Variants in MYO6 observed in about 807,000 individuals in gnomAD.
The protein encoded by MYO6 is myosin VI.
In MYO6, 74 loss-of-function variants were observed where a neutral mutation model predicts 178.7. That is an observed-to-expected ratio of 0.41 (90% CI 0.34 to 0.50). MYO6 has a LOEUF of 0.50. MYO6 is among the 20% of genes least tolerant of loss of function. MYO6 has a pLI of 0.09. For synonymous variants in MYO6, 477 were observed against 504.6 expected, an observed-to-expected ratio of 0.95 and a Z score of 0.73; for missense variants, 1,330 against 1,547.4, an observed-to-expected ratio of 0.86 and a Z score of 2.36.
intron 1 of MYO6, among the ~76,000 whole-genome samples, chr6:75,811,087 G>T (rs1441382370): frequency 6.8e-6 from 1 of 147,576 alleles, no homozygotes; most frequent in Non-Finnish European, 1.5e-5. Flanking sequence ...CAGAGAACAG[G>T]TTCTAGACTT....
At chr6:75,904,985 C>T (rs997129142) in intron 30 of MYO6, among the ~76,000 whole-genome samples, 35 of 152,220 alleles carry the variant, frequency 2.3e-4, no homozygotes, top group Middle Eastern at 3.4e-3. Flanking sequence ...AGTACCCGGC[C>T]GTGTGAGGTG....
chr6:75,889,330 T>A (rs561382393), intron 25 of MYO6, among the ~76,000 whole-genome samples: 2 of 152,360 alleles, frequency 1.3e-5, no homozygotes, highest in African/African-American at 2.4e-5. Context: ...TTGTAATTTT[T>A]AAAATATTCT....
intron 1 of MYO6, among the ~76,000 whole-genome samples, chr6:75,757,359 CTGTGTGTG>C (rs372864392): frequency 1.6e-3 from 229 of 145,972 alleles, no homozygotes; most frequent in African/African-American, 5.4e-3. Flanking sequence ...CATCAGAAGT[CTGTGTGTG>C]TGTGTGTATA....
intron 7 of MYO6, 52 bp downstream of exon 7, chr6:75,836,008 C>G (rs746674044): frequency 8.2e-7 from 1 of 1,223,152 alleles, no homozygotes; most frequent in Non-Finnish European, 1.2e-6. Context: ...ATTTACAAGA[C>G]TTCTTTTAGT....
At chr6:75,900,184 C>G (rs1277282749) in intron 30 of MYO6, among the ~76,000 whole-genome samples, 1 of 151,674 alleles carries the variant, frequency 6.6e-6, no homozygotes, top group East Asian at 1.9e-4. Context: ...TGAATAATGC[C>G]ACAATAAACA....
At chr6:75,792,314 C>T (rs533538874) in intron 1 of MYO6, among the ~76,000 whole-genome samples, 1 of 152,166 alleles carries the variant, frequency 6.6e-6, no homozygotes, top group South Asian at 2.1e-4. Flanking sequence ...ATTAGTTACC[C>T]TGGATGATGA....
Position 75,918,358 on chromosome 6 carries a change from G to A in MYO6, c.*3346G>A, listed in dbSNP as rs1366996157. On this transcript the variant is annotated 3_prime_UTR_variant, in exon 35 of 35. Transcript: ENST00000369977. ...GAAAGAGAAGAGCAACAGTGGAAGA[G>A]ACAGGTTGTGTGCCCCTAAAGATTC... is the stretch of plus-strand genomic sequence containing the variant. 6.6e-6 allele frequency: 1 copy of A among 152,198 alleles called. No homozygotes were observed. The highest frequency in any genetic ancestry group is 1.5e-5 in the Non-Finnish European group (1 of 68,082). 9.4% of individuals were successfully genotyped at this position (152,198 alleles called of 1,614,324 possible). A position where few individuals can be genotyped will look rare whatever the true frequency, so the allele number is the denominator to read the frequency against.
intron 1 of MYO6, among the ~76,000 whole-genome samples, chr6:75,812,401 T>C (rs1321950679): frequency 6.6e-6 from 1 of 152,190 alleles, no homozygotes; most frequent in Non-Finnish European, 1.5e-5. Context: ...CATAATCACA[T>C]TGGGGTAAAT....
In MYO6 at chr6:75,771,012, T is replaced by TTTTC. The variant is rs1262014081; in HGVS notation, c.-48+21590_-48+21593dup. ...AGCACTTTTTTTTTTCTTTTTTTTT[T>TTTTC]TTTCCCCCCTGAGATGGTCTCACTT... On this transcript the variant is annotated intron_variant, in intron 1 of 34. Transcript: ENST00000369977. Among the ~76,000 whole-genome samples, 8 of 151,504 alleles carry TTTTC rather than the reference T, an allele frequency of 5.3e-5. No homozygotes were observed. In the East Asian group the frequency reaches 1.6e-3, roughly 29 times the overall value.
chr6:75,911,220 A>G (rs1345539651), intron 32 of MYO6, among the ~76,000 whole-genome samples: 1 of 152,054 alleles, frequency 6.6e-6, no homozygotes, highest in Non-Finnish European at 1.5e-5. Flanking sequence ...TTTAAGATTT[A>G]GAGAGTTTAA....
intron 13 of MYO6, 83 bp downstream of exon 13, chr6:75,857,337 T>G (rs1346552484): frequency 7.2e-7 from 1 of 1,388,248 alleles, no homozygotes; most frequent in Non-Finnish European, 1.0e-6. Context: ...TTTTCTCCTT[T>G]GTAACTCATT....
At chr6:75,859,800 C>T (rs893281610) in intron 14 of MYO6, among the ~76,000 whole-genome samples, 2 of 152,020 alleles carry the variant, frequency 1.3e-5, no homozygotes, top group African/African-American at 4.8e-5. Context: ...GCTGGGACTA[C>T]AGGCACGCGC....
chr6:75,783,140 C>T (rs931988841), intron 1 of MYO6, among the ~76,000 whole-genome samples: 4 of 151,954 alleles, frequency 2.6e-5, no homozygotes, highest in Non-Finnish European at 4.4e-5. Flanking sequence ...TGGTCTTGAA[C>T]TCCTGGGCTC....
intron 11 of MYO6, among the ~76,000 whole-genome samples, chr6:75,853,406 T>TAA (rs1249881286): frequency 6.6e-6 from 1 of 152,186 alleles, no homozygotes; most frequent in African/African-American, 2.4e-5. Flanking sequence ...GACATGAAGA[T>TAA]TTACTTTGTG....
chr6:75,877,982 G>A (rs1157799335), intron 20 of MYO6, among the ~76,000 whole-genome samples: 1 of 152,080 alleles, frequency 6.6e-6, no homozygotes, highest in Non-Finnish European at 1.5e-5. Context: ...ATACAAGTGG[G>A]CAAAAACTGT....
chr6:75,821,640 A>AACAC (rs891229782), intron 2 of MYO6, among the ~76,000 whole-genome samples: 1 of 109,306 alleles, frequency 9.1e-6, no homozygotes, highest in Non-Finnish European at 2.1e-5. Flanking sequence ...CACACACACA[A>AACAC]ACACACACAC....
At chr6:75,903,974 C>T (rs1233319768) in intron 30 of MYO6, among the ~76,000 whole-genome samples, 2 of 151,728 alleles carry the variant, frequency 1.3e-5, no homozygotes, top group Non-Finnish European at 2.9e-5. Context: ...TTTTATTTCT[C>T]CTTCACTTAT....
chr6:75,877,173 T>G (rs1440151917), intron 20 of MYO6, among the ~76,000 whole-genome samples: 1 of 152,040 alleles, frequency 6.6e-6, no homozygotes, highest in Non-Finnish European at 1.5e-5. Context: ...ATGGGCTTTC[T>G]CCATGTTGAG....
intron 18 of MYO6, chr6:75,867,501 GC>G (rs1272012499): frequency 5.9e-6 from 1 of 169,782 alleles, no homozygotes; most frequent in Non-Finnish European, 1.3e-5. Context: ...AGAGAGGAAA[GC>G]AGGCACAGCC....
Sources: gnomAD v4.1 joint callset for allele counts (sites outside exome capture counted in the v4.1 genomes callset) on GRCh38, gnomAD v4.1.1 for gene constraint, MANE v1.5 for transcripts, NCBI Gene and HGNC (gene_info 2026-07-23, HGNC 2026-07-21) for gene names.